ANKS1B: variants seen among roughly 807,000 people sequenced by gnomAD.
ANKS1B encodes ankyrin repeat and sterile alpha motif domain-containing protein 1B.
In ANKS1B, 36 loss-of-function variants were observed where a neutral mutation model predicts 148.3. The ratio of observed to expected loss-of-function variants is 0.24; its 90% CI spans 0.19 to 0.32. The LOEUF (loss-of-function observed/expected upper bound fraction) is 0.32. Ranked by LOEUF, ANKS1B falls within the 10% of genes least tolerant of loss-of-function variation. The pLI is 1.00. For synonymous variants in ANKS1B, 542 were observed against 560.8 expected (o/e 0.97, Z 0.47); for missense variants, 1,157 against 1,542.6 (o/e 0.75, Z 4.19).
At chr12:98,845,965 C>CATATAT (rs149926433) in intron 17 of ANKS1B, among the ~76,000 whole-genome samples, 11 of 98,748 alleles carry the variant, frequency 1.1e-4, no homozygotes, top group African/African-American at 2.6e-4. Flanking sequence ...TAGAATTCTT[C>CATATAT]ATATATATAT....
chr12:99,690,180 C>G (rs192276953), intron 8 of ANKS1B, among the ~76,000 whole-genome samples: 1,686 of 152,172 alleles, frequency 0.011, 29 homozygotes, highest in African/African-American at 0.039. Context: ...ATAGGGGAAA[C>G]CGCCGCCATA....
At chr12:98,928,070 G>A (rs11109675) in intron 17 of ANKS1B, among the ~76,000 whole-genome samples, 16 of 151,152 alleles carry the variant, frequency 1.1e-4, no homozygotes, top group Non-Finnish European at 2.1e-4. Flanking sequence ...AAAAAGACTC[G>A]AATTTCAAAT....
chr12:99,602,146 T>C (rs1327423093), intron 9 of ANKS1B, among the ~76,000 whole-genome samples: 1 of 152,032 alleles, frequency 6.6e-6, no homozygotes, highest in East Asian at 1.9e-4. Context: ...GTTCAACTTA[T>C]TCAGCATGCT....
chr12:99,663,192 A>G (rs1447599869), intron 8 of ANKS1B, among the ~76,000 whole-genome samples: 1 of 152,154 alleles, frequency 6.6e-6, no homozygotes, highest in Non-Finnish European at 1.5e-5. Flanking sequence ...TGATAGTATT[A>G]ATGATCAGAT....
chr12:99,237,808 G>A (rs1171598919), intron 14 of ANKS1B, among the ~76,000 whole-genome samples: 1 of 152,094 alleles, frequency 6.6e-6, no homozygotes, highest in East Asian at 1.9e-4. Context: ...TTGAAGACAG[G>A]GTCTCACTAT....
At chr12:98,781,325 C>G (rs1456982148) in intron 23 of ANKS1B, 122 bp from the exon 24 acceptor site, 1 of 688,854 alleles carries the variant, frequency 1.5e-6, no homozygotes, top group Non-Finnish European at 2.7e-6. Flanking sequence ...CACACACACA[C>G]ACACACACAC....
rs1355942302 is a variant in ANKS1B at position 99,218,669 on chromosome 12, T to G, written c.2419+25673A>C. On this transcript the variant is annotated intron_variant, in intron 14 of 26. Transcript: ENST00000683438. ...AACTGGGTTTGAATCTCACTGCTTCTGTTTAAATGACCTTGGGTAAGTTTC... is the reference window on the plus strand; with the variant it reads ...AACTGGGTTTGAATCTCACTGCTTCGGTTTAAATGACCTTGGGTAAGTTTC... 2.0e-5 allele frequency among the ~76,000 whole-genome samples: 3 copies of G among 152,222 alleles called. No individual in the cohort carries two copies. In the East Asian group the frequency reaches 5.8e-4, roughly 29 times the overall value.
At chr12:99,927,820 G>A (rs1235200205) in intron 1 of ANKS1B, among the ~76,000 whole-genome samples, 1 of 151,940 alleles carries the variant, frequency 6.6e-6, no homozygotes, top group Non-Finnish European at 1.5e-5. Context: ...AGAATATGCT[G>A]CTTTAAGTTT....
chr12:98,736,732 A>G (rs2097775197), intron 9 of ANKS1B, among the ~76,000 whole-genome samples: 1 of 152,196 alleles, frequency 6.6e-6, no homozygotes. Context: ...CCAGGAGACT[A>G]AAAAGGACCA....
intron 17 of ANKS1B, among the ~76,000 whole-genome samples, chr12:98,993,082 G>C (rs969774533): frequency 6.6e-6 from 1 of 152,144 alleles, no homozygotes; most frequent in Non-Finnish European, 1.5e-5. Context: ...AGCATGAAAT[G>C]CTCTGAATAT....
At chr12:99,807,908 T>C (rs1207901092) in intron 3 of ANKS1B, among the ~76,000 whole-genome samples, 1 of 152,158 alleles carries the variant, frequency 6.6e-6, no homozygotes, top group Non-Finnish European at 1.5e-5. Flanking sequence ...TTGTCTCATT[T>C]AACTCTTACA....
intron 9 of ANKS1B, among the ~76,000 whole-genome samples, chr12:99,534,408 A>G (rs1596501194): frequency 6.6e-6 from 1 of 152,374 alleles, no homozygotes; most frequent in East Asian, 1.9e-4. Flanking sequence ...GGGATAAAGA[A>G]AAATAAAAGA....
chr12:99,793,780 T>C (rs912531239), intron 4 of ANKS1B, among the ~76,000 whole-genome samples: 1 of 151,930 alleles, frequency 6.6e-6, no homozygotes, highest in Non-Finnish European at 1.5e-5. Flanking sequence ...TCTTGAGTAA[T>C]ACCCCACAAG....
chr12:99,608,290 C>T (rs558623636), intron 9 of ANKS1B, among the ~76,000 whole-genome samples: 2 of 152,110 alleles, frequency 1.3e-5, no homozygotes, highest in African/African-American at 4.8e-5. Context: ...ACCATGCACA[C>T]CATCAAATTG....
chr12:99,445,005 C>CA (rs1350818825), intron 10 of ANKS1B, among the ~76,000 whole-genome samples: 8 of 152,024 alleles, frequency 5.3e-5, no homozygotes, highest in African/African-American at 1.9e-4. Context: ...GCCCATAAAA[C>CA]AAAAAATTCA....
At chr12:99,406,495 A>T (rs2094535072) in intron 11 of ANKS1B, among the ~76,000 whole-genome samples, 1 of 145,354 alleles carries the variant, frequency 6.9e-6, no homozygotes, top group Non-Finnish European at 1.5e-5. Flanking sequence ...TGAAAAGACA[A>T]CATAGCAAAA....
chr12:99,256,914 C>G (rs1007521658), intron 12 of ANKS1B, among the ~76,000 whole-genome samples: 3 of 152,102 alleles, frequency 2.0e-5, no homozygotes, highest in African/African-American at 7.2e-5. Flanking sequence ...CAGCCATTAT[C>G]CATCAAAAAA....
At chr12:98,820,162 T>C (rs1228556381) in intron 19 of ANKS1B, among the ~76,000 whole-genome samples, 3 of 152,230 alleles carry the variant, frequency 2.0e-5, no homozygotes, top group Non-Finnish European at 4.4e-5. Flanking sequence ...CGTCCGCTAG[T>C]TCCCAGTTTG....
chr12:99,374,935 G>A (rs1202380548), intron 12 of ANKS1B, among the ~76,000 whole-genome samples: 1 of 152,122 alleles, frequency 6.6e-6, no homozygotes, highest in Non-Finnish European at 1.5e-5. Context: ...CAATTCATGT[G>A]TTTTTGAATT....
Sources: allele counts gnomAD v4.1 joint callset (sites outside exome capture counted in the v4.1 genomes callset), GRCh38; gene constraint gnomAD v4.1.1; transcripts MANE v1.5; gene names NCBI Gene and HGNC (gene_info 2026-07-23, HGNC 2026-07-21).